Variants in AGBL4 observed in about 807,000 individuals in gnomAD.
AGBL4 encodes the protein cytosolic carboxypeptidase 6.
A neutral mutation model predicts 66.4 loss-of-function variants in AGBL4; 58 were observed. The observed-to-expected ratio is 0.87, with a 90% CI of 0.71 to 1.09. The LOEUF (loss-of-function observed/expected upper bound fraction) is 1.09, where lower values mean the gene tolerates loss of function less well. Ranked by LOEUF, AGBL4 falls within the 50% of genes least tolerant of loss-of-function variation. AGBL4 has a pLI of 0.00. For missense variants in AGBL4, 579 were observed against 631.0 expected (o/e 0.92, Z 0.88); for synonymous variants, 234 against 222.9 (o/e 1.05, Z -0.44).
At chr1:49,636,472 T>G (rs1479601650) in intron 3 of AGBL4, among the ~76,000 whole-genome samples, 1 of 152,112 alleles carries the variant, frequency 6.6e-6, no homozygotes, top group Non-Finnish European at 1.5e-5. Flanking sequence ...GGCTTCAACA[T>G]ACGAACTTTG....
intron 3 of AGBL4, among the ~76,000 whole-genome samples, chr1:49,314,202 C>T (rs1644995589): frequency 6.6e-6 from 1 of 152,022 alleles, no homozygotes; most frequent in Non-Finnish European, 1.5e-5. Flanking sequence ...ATTTCTGAGG[C>T]ATCTATTCTG....
chr1:48,751,245 CT>C lies in AGBL4; in HGVS notation c.635-88005del, dbSNP rs1651690377. Among the ~76,000 whole-genome samples the C allele has an allele frequency of 3.9e-5, 6 of 152,266 alleles. No individual in the cohort carries two copies. In the South Asian group the frequency reaches 1.2e-3, roughly 32 times the overall value. On this transcript the variant is annotated intron_variant, in intron 6 of 13. Coordinates refer to ENST00000371839, the MANE Select transcript of AGBL4 (RefSeq NM_032785.4). Reference sequence around the variant, plus strand: ...GCTGAAACTATGAAGACATGGTGGGCTTTTAAATTAAGCAGGAAATATTCAT... The same window carrying C: ...GCTGAAACTATGAAGACATGGTGGGCTTTAAATTAAGCAGGAAATATTCAT...
chr1:49,973,958 G>A (rs928838519), intron 1 of AGBL4, among the ~76,000 whole-genome samples: 1 of 151,926 alleles, frequency 6.6e-6, no homozygotes, highest in African/African-American at 2.4e-5. Flanking sequence ...AAACAAATGA[G>A]TAGAACAAAA....
intron 5 of AGBL4, among the ~76,000 whole-genome samples, chr1:48,972,793 C>T (rs969284413): frequency 3.3e-5 from 5 of 152,008 alleles, no homozygotes; most frequent in Non-Finnish European, 2.9e-5. Flanking sequence ...GAAACCAAAG[C>T]ATAGGGGATA....
chr1:48,777,304 A>C (rs1645148466), intron 6 of AGBL4, among the ~76,000 whole-genome samples: 1 of 152,074 alleles, frequency 6.6e-6, no homozygotes, highest in South Asian at 2.1e-4. Flanking sequence ...TGCCAAGTAG[A>C]GAAGTGTATG....
At chr1:49,593,777 T>C (rs1268079321) in intron 3 of AGBL4, among the ~76,000 whole-genome samples, 1 of 152,158 alleles carries the variant, frequency 6.6e-6, no homozygotes, top group Non-Finnish European at 1.5e-5. Flanking sequence ...TTTGTAAATA[T>C]CCTTCAAAGA....
chr1:49,239,555 T>C (rs1004787857), intron 4 of AGBL4, among the ~76,000 whole-genome samples: 1 of 152,150 alleles, frequency 6.6e-6, no homozygotes, highest in African/African-American at 2.4e-5. Flanking sequence ...TAAAATTGTT[T>C]TTGATACAAT....
intron 3 of AGBL4, among the ~76,000 whole-genome samples, chr1:49,648,908 A>T (rs1376021449): frequency 3.3e-5 from 5 of 152,150 alleles, no homozygotes; most frequent in African/African-American, 4.8e-5. Context: ...CATAAAGAGC[A>T]TCAGAGAATA....
chr1:48,656,158 G>A (rs1241910110), intron 7 of AGBL4, among the ~76,000 whole-genome samples: 1 of 152,242 alleles, frequency 6.6e-6, no homozygotes, highest in African/African-American at 2.4e-5. Flanking sequence ...AGAAGGAAAA[G>A]TGGTAGAGGA....
At chr1:49,763,785 G>C (rs559757056) in intron 2 of AGBL4, among the ~76,000 whole-genome samples, 1 of 152,136 alleles carries the variant, frequency 6.6e-6, no homozygotes, top group African/African-American at 2.4e-5. Flanking sequence ...CACGGAACCC[G>C]TCAGGCCATG....
At chr1:49,635,527 T>C (rs1271771480) in intron 3 of AGBL4, among the ~76,000 whole-genome samples, 1 of 152,060 alleles carries the variant, frequency 6.6e-6, no homozygotes, top group Non-Finnish European at 1.5e-5. Flanking sequence ...CATTAAGAAC[T>C]CTCCAAATCC....
At chr1:49,903,203 T>C (rs1315738052) in intron 1 of AGBL4, among the ~76,000 whole-genome samples, 2 of 152,166 alleles carry the variant, frequency 1.3e-5, no homozygotes, top group Non-Finnish European at 2.9e-5. Context: ...ACAACATGGA[T>C]GGCGCTGGAG....
At chr1:49,186,207 C>T (rs1027037716) in intron 4 of AGBL4, among the ~76,000 whole-genome samples, 1 of 152,144 alleles carries the variant, frequency 6.6e-6, no homozygotes, top group East Asian at 1.9e-4. Flanking sequence ...TTTCTTCATT[C>T]CTATATTCAT....
intron 6 of AGBL4, among the ~76,000 whole-genome samples, chr1:48,762,382 T>C (rs1223738746): frequency 2.6e-5 from 4 of 152,206 alleles, no homozygotes; most frequent in African/African-American, 4.8e-5. Flanking sequence ...TGTTCAAAAA[T>C]AAAAGTTCAA....
intron 5 of AGBL4, among the ~76,000 whole-genome samples, chr1:49,020,910 T>C (rs1351373041): frequency 1.3e-5 from 2 of 152,082 alleles, no homozygotes; most frequent in African/African-American, 2.4e-5. Context: ...ACTAGACTAA[T>C]GGCAGGAAAC....
intron 3 of AGBL4, among the ~76,000 whole-genome samples, chr1:49,524,474 G>T (rs1650502702): frequency 6.6e-6 from 1 of 152,020 alleles, no homozygotes; most frequent in Non-Finnish European, 1.5e-5. Context: ...AACCAAAAGA[G>T]AATATAGTCC....
chr1:49,854,532 C>A (rs1185194850), intron 1 of AGBL4, among the ~76,000 whole-genome samples: 1 of 152,030 alleles, frequency 6.6e-6, no homozygotes, highest in Non-Finnish European at 1.5e-5. Flanking sequence ...TTCTACTCAC[C>A]CCCCTGAAGC....
chr1:48,596,748 A>T (rs1207439189), intron 9 of AGBL4, among the ~76,000 whole-genome samples: 1 of 152,132 alleles, frequency 6.6e-6, no homozygotes, highest in Non-Finnish European at 1.5e-5. Flanking sequence ...CCCAGCCCAT[A>T]GCATATACAT....
At chr1:49,573,521 A>G (rs750639094) in intron 3 of AGBL4, among the ~76,000 whole-genome samples, 1 of 152,184 alleles carries the variant, frequency 6.6e-6, no homozygotes, top group Non-Finnish European at 1.5e-5. Context: ...GAACATAATG[A>G]TGCTGGTTGG....
Sources: gnomAD v4.1 joint callset for allele counts (sites outside exome capture counted in the v4.1 genomes callset) on GRCh38, gnomAD v4.1.1 for gene constraint, MANE v1.5 for transcripts, NCBI Gene and HGNC (gene_info 2026-07-23, HGNC 2026-07-21) for gene names.